The following ZDHHC14 variants were observed in gnomAD, a reference collection of about 807,000 sequenced individuals.
The protein encoded by ZDHHC14 is zDHHC palmitoyltransferase 14.
ZDHHC14 carries 16 observed loss-of-function variants against 47.7 expected under a neutral mutation model. The observed-to-expected ratio is 0.34, with a 90% CI of 0.23 to 0.51. The LOEUF (loss-of-function observed/expected upper bound fraction) is 0.51. ZDHHC14 is among the 20% of genes least tolerant of loss of function. The pLI is 0.97. For synonymous variants in ZDHHC14, 293 were observed against 278.9 expected (o/e 1.05, Z -0.50); for missense variants, 515 against 662.5 (o/e 0.78, Z 2.44).
intron 1 of ZDHHC14, among the ~76,000 whole-genome samples, chr6:157,490,503 A>G (rs2114726826): frequency 6.6e-6 from 1 of 152,370 alleles, no homozygotes; most frequent in South Asian, 2.1e-4. Flanking sequence ...ACCGTCAACT[A>G]ATTATCACTT....
intron 1 of ZDHHC14, among the ~76,000 whole-genome samples, chr6:157,454,354 C>G (rs1053871485): frequency 3.3e-5 from 5 of 152,166 alleles, no homozygotes; most frequent in African/African-American, 1.2e-4. Flanking sequence ...GAGTAATTCC[C>G]TGTTATCTCT....
At chr6:157,635,796 G>A (rs932963687) in intron 5 of ZDHHC14, among the ~76,000 whole-genome samples, 1 of 152,188 alleles carries the variant, frequency 6.6e-6, no homozygotes, top group Non-Finnish European at 1.5e-5. Flanking sequence ...GAAGGAGTGC[G>A]GGAAGGGAAG....
chr6:157,491,255 G>A (rs74549335), intron 1 of ZDHHC14, among the ~76,000 whole-genome samples: 8 of 152,336 alleles, frequency 5.3e-5, no homozygotes, highest in African/African-American at 1.7e-4. Flanking sequence ...GTACACAGAC[G>A]TGCTCAACAC....
At chr6:157,495,128 G>T (rs1287893754) in intron 1 of ZDHHC14, among the ~76,000 whole-genome samples, 1 of 151,794 alleles carries the variant, frequency 6.6e-6, no homozygotes, top group African/African-American at 2.4e-5. Flanking sequence ...GATTTATAGT[G>T]TTTTTTTGCA....
chr6:157,447,215 A>G (rs1264854022), intron 1 of ZDHHC14, among the ~76,000 whole-genome samples: 1 of 152,212 alleles, frequency 6.6e-6, no homozygotes, highest in African/African-American at 2.4e-5. Context: ...TTATTTGTGC[A>G]TTGAGTCTCC....
intron 8 of ZDHHC14, among the ~76,000 whole-genome samples, chr6:157,670,895 A>G (rs624497): frequency 0.77 from 117,318 of 152,130 alleles, 46,008 homozygotes; most frequent in African/African-American, 0.93. Flanking sequence ...AGGGTGGCTC[A>G]GGGTGGCCTA....
intron 2 of ZDHHC14, among the ~76,000 whole-genome samples, chr6:157,544,265 C>G (rs1282959742): frequency 6.6e-6 from 1 of 152,252 alleles, no homozygotes; most frequent in Non-Finnish European, 1.5e-5. Context: ...GGGGGTGATG[C>G]AGTTTCCTGC....
At chr6:157,509,598 C>T (rs1042422011) in intron 1 of ZDHHC14, among the ~76,000 whole-genome samples, 4 of 152,272 alleles carry the variant, frequency 2.6e-5, no homozygotes, top group East Asian at 1.9e-4. Flanking sequence ...CCAAGATGCC[C>T]TGCAAGCCAA....
chr6:157,582,951 A>G lies in ZDHHC14; in HGVS notation c.407-10037A>G, dbSNP rs1452404884. ...TTTTTACTTTATTTTCGTCTAACTG[A>G]GTTATTTCAGAGCCAGTCTTTAAGC... On this transcript the variant is annotated intron_variant, in intron 2 of 8. Transcript: ENST00000359775. This position sits in a 1 kb window ranked among gnomAD's most constrained non-coding sequence, Gnocchi z 4.3. 6.6e-6 allele frequency among the ~76,000 whole-genome samples: 1 copy of G among 151,512 alleles called. No individual in the cohort carries two copies. Among genetic ancestry groups the G allele is most frequent in the African/African-American group, 2.4e-5 (1 of 41,184 alleles).
At chr6:157,619,995 G>A (rs1028324031) in intron 3 of ZDHHC14, among the ~76,000 whole-genome samples, 5 of 152,114 alleles carry the variant, frequency 3.3e-5, no homozygotes, top group African/African-American at 1.2e-4. Context: ...AAGCAGATAG[G>A]ACTTATTTTC....
chr6:157,567,826 AGTT>A (rs1270889303), intron 2 of ZDHHC14, among the ~76,000 whole-genome samples: 1 of 150,786 alleles, frequency 6.6e-6, no homozygotes, highest in Admixed American at 6.6e-5. Flanking sequence ...AAAAAAAAAA[AGTT>A]GGACCAGATT....
intron 3 of ZDHHC14, among the ~76,000 whole-genome samples, chr6:157,603,360 G>A (rs1191423228): frequency 6.6e-6 from 1 of 152,222 alleles, no homozygotes; most frequent in Admixed American, 6.5e-5. Context: ...ACTCAGGATG[G>A]TCATTTTAGA....
At chr6:157,608,650 G>A (rs933721861) in intron 3 of ZDHHC14, among the ~76,000 whole-genome samples, 1 of 152,220 alleles carries the variant, frequency 6.6e-6, no homozygotes, top group Admixed American at 6.5e-5. Flanking sequence ...AGTCAGTGTG[G>A]CAGAGAGGGC....
At chr6:157,498,431 G>A (rs1019113963) in intron 1 of ZDHHC14, among the ~76,000 whole-genome samples, 37 of 152,120 alleles carry the variant, frequency 2.4e-4, no homozygotes, top group African/African-American at 8.2e-4. Flanking sequence ...GTGTAAATTG[G>A]GGAAAGAGAA....
intron 8 of ZDHHC14, 126 bp downstream of exon 8, chr6:157,653,753 C>T: frequency 1.2e-6 from 1 of 826,138 alleles, no homozygotes; most frequent in South Asian, 1.6e-5. Context: ...CCGCCCACCC[C>T]ATGACTACTG....
intron 3 of ZDHHC14, among the ~76,000 whole-genome samples, chr6:157,611,366 A>AT (rs1784743566): frequency 6.6e-6 from 1 of 152,158 alleles, no homozygotes; most frequent in Admixed American, 6.5e-5. Flanking sequence ...TCTAACGTAA[A>AT]TTTTTTAAGG....
chr6:157,527,537 C>A (rs915911379), intron 1 of ZDHHC14, among the ~76,000 whole-genome samples: 1 of 152,190 alleles, frequency 6.6e-6, no homozygotes, highest in African/African-American at 2.4e-5. Flanking sequence ...AAAACCTCAA[C>A]TGATGGAAAC....
chr6:157,446,077 AAAT>A (rs1778661766), intron 1 of ZDHHC14, among the ~76,000 whole-genome samples: 1 of 152,200 alleles, frequency 6.6e-6, no homozygotes, highest in Admixed American at 6.5e-5. Context: ...CTTATTCTAA[AAAT>A]AATTCAAGGT....
intron 1 of ZDHHC14, among the ~76,000 whole-genome samples, chr6:157,405,433 T>C (rs1039954080): frequency 3.9e-5 from 6 of 152,106 alleles, no homozygotes; most frequent in South Asian, 2.1e-4. Flanking sequence ...GGGGTTTCAC[T>C]GTGTTGGCCA....
Sources: allele counts gnomAD v4.1 joint callset (sites outside exome capture counted in the v4.1 genomes callset), GRCh38; gene constraint gnomAD v4.1.1; non-coding constraint Gnocchi (gnomAD v3.1); transcripts MANE v1.5; gene names NCBI Gene and HGNC (gene_info 2026-07-23, HGNC 2026-07-21).